CNBD2: variants seen among roughly 807,000 people sequenced by gnomAD.
The protein encoded by CNBD2 is cyclic nucleotide-binding domain-containing protein 2.
A neutral mutation model predicts 63.7 loss-of-function variants in CNBD2; 64 were observed. The observed-to-expected ratio is 1.00, with a 90% confidence interval of 0.82 to 1.24. CNBD2 has a LOEUF of 1.24. Among genes scored for constraint, CNBD2 ranks in the 50% most tolerant of loss-of-function variants. The pLI is 0.00. For missense variants in CNBD2, 691 were observed against 713.5 expected (o/e 0.97, Z 0.36); for synonymous variants, 229 against 255.4 (o/e 0.90, Z 0.99).
upstream of CNBD2, among the ~76,000 whole-genome samples, chr20:35,963,606 A>AC (rs2056323944): frequency 6.6e-6 from 1 of 152,082 alleles, no homozygotes; most frequent in South Asian, 2.1e-4. Flanking sequence ...GTGCCACTGC[A>AC]CTCCAGCCTG....
chr20:36,016,887 T>C (rs1316631276), intron 10 of CNBD2, among the ~76,000 whole-genome samples: 1 of 149,710 alleles, frequency 6.7e-6, no homozygotes, highest in Non-Finnish European at 1.5e-5. Flanking sequence ...AGCGAAATCC[T>C]GTCTCTACAA....
At position 36,012,355 on chromosome 20, in the gene CNBD2, G is replaced by A. The variant is rs1399281962; in HGVS notation, c.1269+1098G>A. ...AAGCCAGGTATGGTGGCAGGCACCT[G>A]AAATCCCAGCTATTTGGGAGGCTGA... On this transcript the variant is annotated intron_variant, in intron 10 of 11. Coordinates refer to ENST00000373973, the MANE Select transcript of CNBD2 (RefSeq NM_001365709.1). Among the ~76,000 whole-genome samples, 3 of 151,406 alleles carry A rather than the reference G, an allele frequency of 2.0e-5. No homozygotes were observed. In the East Asian group the frequency reaches 5.8e-4, roughly 29 times the overall value.
At chr20:35,990,176 G>C (rs2056725951) in intron 7 of CNBD2, among the ~76,000 whole-genome samples, 1 of 152,112 alleles carries the variant, frequency 6.6e-6, no homozygotes, top group Non-Finnish European at 1.5e-5. Flanking sequence ...TTATACAATG[G>C]AATCAGCAAA....
intron 10 of CNBD2, among the ~76,000 whole-genome samples, chr20:36,013,707 TAAATC>T (rs2147340248): frequency 6.6e-6 from 1 of 152,230 alleles, no homozygotes; most frequent in Admixed American, 6.5e-5. Flanking sequence ...AACACTGAAA[TAAATC>T]AGTTCAGTAA....
chr20:36,023,308 T>C (rs1032582576), intron 10 of CNBD2, among the ~76,000 whole-genome samples: 2 of 152,128 alleles, frequency 1.3e-5, no homozygotes, highest in Admixed American at 1.3e-4. Context: ...GTAGATCACC[T>C]GAGGTCAGGA....
intron 4 of CNBD2, among the ~76,000 whole-genome samples, chr20:35,980,839 G>A (rs756115995): frequency 4.6e-5 from 7 of 152,194 alleles, no homozygotes; most frequent in Non-Finnish European, 8.8e-5. Flanking sequence ...ATTAAATCTG[G>A]AGAGGATCTA....
chr20:35,954,443 C>G (rs35448195), upstream of CNBD2: 160,461 of 1,549,344 alleles, frequency 0.1, 8,752 homozygotes, highest in South Asian at 0.17. Context: ...GTGTGCGGAG[C>G]TTACCTGCAC....
chr20:35,980,602 CAA>C lies in CNBD2; in HGVS notation c.389_390del (p.Lys130SerfsTer5). On this transcript the variant is annotated frameshift_variant, in exon 4 of 12. Transcript: ENST00000373973. LOFTEE classifies it high-confidence loss of function. ...CAGAGCCCCTGCAGCTGCTCCTGGCCAAAGTCATGCGCTTTGAACGGTCAGTG... is the reference window on the plus strand; with the variant it reads ...CAGAGCCCCTGCAGCTGCTCCTGGCCAGTCATGCGCTTTGAACGGTCAGTG... ...YAEPLQLLLAKVMRFERFGRR... is the reference protein window; with the variant it reads ...YAEPLQLLLAXVMRFERFGRR... 4 of 1,613,568 alleles carry C rather than the reference CAA, an allele frequency of 2.5e-6. No individual in the cohort carries two copies. The highest frequency in any genetic ancestry group is 2.5e-6 in the Non-Finnish European group (3 of 1,180,030).
intron 7 of CNBD2, among the ~76,000 whole-genome samples, chr20:35,993,226 C>T (rs2056773367): frequency 6.6e-6 from 1 of 152,036 alleles, no homozygotes; most frequent in Non-Finnish European, 1.5e-5. Flanking sequence ...TATATGTATA[C>T]ACCTGAGTGA....
downstream of CNBD2, among the ~76,000 whole-genome samples, chr20:35,958,380 T>C (rs373452693): frequency 2.6e-5 from 4 of 152,172 alleles, no homozygotes; most frequent in African/African-American, 9.7e-5. Flanking sequence ...TGCAGTGAGC[T>C]GAGATCGTGC....
At chr20:35,954,388 A>C, upstream of CNBD2, 1 of 1,565,954 alleles carries the variant, frequency 6.4e-7, no homozygotes, top group Non-Finnish European at 8.7e-7. Context: ...TAAAGGGCAG[A>C]GCTCGCGTCA....
intron 4 of CNBD2, 71 bp from the exon 5 acceptor site, chr20:35,983,906 ACCAGT>A: frequency 3.9e-6 from 6 of 1,554,962 alleles, no homozygotes; most frequent in Non-Finnish European, 5.3e-6. Flanking sequence ...AAAGAGCACA[ACCAGT>A]CCAGAGCTCC....
intron 1 of CNBD2, among the ~76,000 whole-genome samples, chr20:35,971,010 G>T (rs1176313064): frequency 4.7e-5 from 7 of 148,850 alleles, no homozygotes; most frequent in Admixed American, 1.3e-4. Context: ...TGCAGTGGCG[G>T]GATCTCGGCT....
rs896064188 is a variant in CNBD2 at position 35,995,073 on chromosome 20, G to A, written c.891G>A (p.Gly297=). Reference sequence around the variant, plus strand: ...AAGTCCTGCGGCTGTTGGACCTTGGGGCCTCCCCTTCCTACCGTAGATGGA... The same window carrying A: ...AAGTCCTGCGGCTGTTGGACCTTGGAGCCTCCCCTTCCTACCGTAGATGGA... ...SCEVLRLLDL[G]ASPSYRRWIW... Residue 297 remains glycine (G), a synonymous_variant, in exon 8 of 12, where the codon GGG becomes GGA. Coordinates refer to ENST00000373973, the MANE Select transcript of CNBD2 (RefSeq NM_001365709.1). 2.5e-6 allele frequency: 4 copies of A among 1,613,946 alleles called. No homozygotes were observed. The highest frequency in any genetic ancestry group is 2.7e-5 in the African/African-American group (2 of 74,888).
chr20:35,994,974 C>A, intron 7 of CNBD2, 64 bp from the exon 8 acceptor site: 2 of 1,119,552 alleles, frequency 1.8e-6, no homozygotes, highest in East Asian at 2.4e-5. Flanking sequence ...AGATTTTCTT[C>A]AAAGCCTGGC....
upstream of CNBD2, among the ~76,000 whole-genome samples, chr20:35,966,354 C>T (rs1452708260): frequency 1.3e-5 from 2 of 152,168 alleles, no homozygotes; most frequent in East Asian, 3.9e-4. Context: ...GCTGTCCAGC[C>T]ATCTTTGCTG....
At chr20:36,001,913 C>G (rs1207096377) in intron 8 of CNBD2, among the ~76,000 whole-genome samples, 1 of 147,198 alleles carries the variant, frequency 6.8e-6, no homozygotes, top group Non-Finnish European at 1.5e-5. Flanking sequence ...ACTTCCCAGA[C>G]TGGGCAGCCA....
intron 2 of CNBD2, among the ~76,000 whole-genome samples, chr20:35,960,688 C>G (rs2056299265): frequency 6.7e-6 from 1 of 149,582 alleles, no homozygotes. Context: ...TACTGCCATA[C>G]TCCTCTTCTC....
rs528656067 is a variant in CNBD2 at position 35,972,556 on chromosome 20, A to G, written c.52-73A>G. 8.4e-6 allele frequency: 12 copies of G among 1,436,406 alleles called. No individual in the cohort carries two copies. The African/African-American group carries it at 1.3e-4, about 15-fold the overall frequency. The allele number at this position is 1,436,406 out of a possible 1,614,324, so 89.0% of individuals were successfully genotyped here. A position where few individuals can be genotyped will look rare whatever the true frequency, so the allele number is the denominator to read the frequency against. ...AATCCTGGTAAATTTCACCTTGTTC[A>G]GCACCATCCAGCCTGCTGTTGACTG... On this transcript the variant is annotated intron_variant, in intron 1 of 11. Coordinates refer to ENST00000373973, the MANE Select transcript of CNBD2 (RefSeq NM_001365709.1).
Sources: allele counts gnomAD v4.1 joint callset (sites outside exome capture counted in the v4.1 genomes callset), GRCh38; gene constraint gnomAD v4.1.1; transcripts MANE v1.5; gene names NCBI Gene and HGNC (gene_info 2026-07-23, HGNC 2026-07-21).